Variants in ATXN8OS observed in about 807,000 individuals in gnomAD.
ATXN8OS encodes ATXN8 opposite strand (non-protein coding).
intron 3 of ATXN8OS, among the ~76,000 whole-genome samples, chr13:70,134,290 A>G (rs1888578740): frequency 6.6e-6 from 1 of 152,218 alleles, no homozygotes; most frequent in Non-Finnish European, 1.5e-5. Flanking sequence ...TCTCCTATGC[A>G]CAGAAAACTG....
chr13:70,167,449 G>C (rs1889089222), intron 4 of ATXN8OS, among the ~76,000 whole-genome samples: 2 of 151,900 alleles, frequency 1.3e-5, no homozygotes, highest in African/African-American at 4.8e-5. Context: ...TCATAGGTGG[G>C]AATTGAACAA....
intron 2 of ATXN8OS, among the ~76,000 whole-genome samples, chr13:70,125,295 C>G (rs897230718): frequency 2.0e-5 from 3 of 152,128 alleles, no homozygotes; most frequent in Non-Finnish European, 2.9e-5. Context: ...TAAATTTCTA[C>G]TTCTATCCAC....
At chr13:70,170,943 T>C (rs1386322860) in exon 5 of ATXN8OS, among the ~76,000 whole-genome samples, 1 of 152,060 alleles carries the variant, frequency 6.6e-6, no homozygotes, top group East Asian at 1.9e-4. Flanking sequence ...TGTATGTGTA[T>C]CTAAACGTAT....
At chr13:70,132,639 C>G (rs1007672177) in intron 3 of ATXN8OS, among the ~76,000 whole-genome samples, 14 of 152,090 alleles carry the variant, frequency 9.2e-5, no homozygotes, top group African/African-American at 3.4e-4. Context: ...AAAATATATG[C>G]ATATTGCTCA....
At chr13:70,114,917 G>A (rs935421219) in intron 1 of ATXN8OS, among the ~76,000 whole-genome samples, 9 of 151,938 alleles carry the variant, frequency 5.9e-5, no homozygotes, top group African/African-American at 2.2e-4. Flanking sequence ...TAAAAAAAAT[G>A]ACAAACTCAT....
At chr13:70,118,598 T>A (rs79419512) in intron 2 of ATXN8OS, among the ~76,000 whole-genome samples, 23,606 of 152,032 alleles carry the variant, frequency 0.16, 2,321 homozygotes, top group African/African-American at 0.28. Context: ...GAAATTTTTT[T>A]AAAAAATTAA....
At chr13:70,129,375 CTGTGTGTG>C (rs34731574) in intron 2 of ATXN8OS, among the ~76,000 whole-genome samples, 21 of 149,080 alleles carry the variant, frequency 1.4e-4, no homozygotes, top group East Asian at 4.0e-4. Context: ...TTGTATTTTT[CTGTGTGTG>C]TGTGTGTGTG....
intron 2 of ATXN8OS, among the ~76,000 whole-genome samples, chr13:70,122,008 T>G (rs974388074): frequency 6.6e-6 from 1 of 152,198 alleles, no homozygotes; most frequent in Admixed American, 6.5e-5. Context: ...ATATAACCTG[T>G]GCACATTTTT....
At chr13:70,167,305 A>G (rs1177256363) in intron 4 of ATXN8OS, among the ~76,000 whole-genome samples, 3 of 152,172 alleles carry the variant, frequency 2.0e-5, no homozygotes, top group African/African-American at 4.8e-5. Context: ...TGTGGCACAT[A>G]TACATCATGG....
chr13:70,107,889 C>A, exon 1 of ATXN8OS: 2 of 532,658 alleles, frequency 3.8e-6, no homozygotes, highest in Non-Finnish European at 6.5e-6. Flanking sequence ...GGCAAAGCCG[C>A]GCGTTTCAGC....
chr13:70,141,035 G>A (rs945468925), intron 3 of ATXN8OS, among the ~76,000 whole-genome samples: 30 of 152,246 alleles, frequency 2.0e-4, no homozygotes, highest in African/African-American at 7.0e-4. Flanking sequence ...AACAATAAAA[G>A]ACTATATTTA....
chr13:70,157,308 C>A (rs559014893), intron 4 of ATXN8OS, among the ~76,000 whole-genome samples: 35 of 152,060 alleles, frequency 2.3e-4, no homozygotes, highest in Admixed American at 2.6e-4. Flanking sequence ...AGGAGGAGCT[C>A]TTTCTGTTTA....
At chr13:70,113,976 C>A (rs181620625) in intron 1 of ATXN8OS, among the ~76,000 whole-genome samples, 1 of 151,918 alleles carries the variant, frequency 6.6e-6, no homozygotes, top group Non-Finnish European at 1.5e-5. Context: ...GTTATAACAC[C>A]CCAAAACAAC....
At chr13:70,139,776 A>G (rs1307065706) in intron 3 of ATXN8OS, among the ~76,000 whole-genome samples, 1 of 152,152 alleles carries the variant, frequency 6.6e-6, no homozygotes, top group African/African-American at 2.4e-5. Context: ...ATTTAAGTGG[A>G]TGAATGCTTT....
At chr13:70,135,276 G>A (rs752432560) in intron 3 of ATXN8OS, among the ~76,000 whole-genome samples, 15 of 151,978 alleles carry the variant, frequency 9.9e-5, no homozygotes, top group African/African-American at 1.9e-4. Context: ...CAGATCTTTA[G>A]TTCAGGTTTG....
At chr13:70,152,099 TAA>T (rs922058061) in intron 4 of ATXN8OS, among the ~76,000 whole-genome samples, 1 of 152,082 alleles carries the variant, frequency 6.6e-6, no homozygotes, top group African/African-American at 2.4e-5. Flanking sequence ...GCTCCATTCA[TAA>T]TAATTTCCTT....
At chr13:70,148,676 T>C (rs1380944563) in intron 4 of ATXN8OS, among the ~76,000 whole-genome samples, 2 of 152,112 alleles carry the variant, frequency 1.3e-5, no homozygotes, top group Non-Finnish European at 2.9e-5. Context: ...AATTCTATGG[T>C]CAAAAATTTC....
intron 3 of ATXN8OS, among the ~76,000 whole-genome samples, chr13:70,143,656 T>C (rs796277784): frequency 3.9e-5 from 6 of 152,278 alleles, no homozygotes; most frequent in Admixed American, 2.0e-4. Context: ...ACCTCACCTC[T>C]GTTTTATATT....
intron 3 of ATXN8OS, among the ~76,000 whole-genome samples, chr13:70,135,936 A>C (rs925291332): frequency 6.6e-6 from 1 of 152,224 alleles, no homozygotes; most frequent in Non-Finnish European, 1.5e-5. Context: ...TAAATTAATG[A>C]TATTTATCTG....
Sources: gnomAD v4.1 joint callset for allele counts (sites outside exome capture counted in the v4.1 genomes callset) on GRCh38, gnomAD v4.1.1 for gene constraint, MANE v1.5 for transcripts, NCBI Gene and HGNC (gene_info 2026-07-23, HGNC 2026-07-21) for gene names.